TBC1D5: variants seen among roughly 807,000 people sequenced by gnomAD.
The protein encoded by TBC1D5 is TBC1 domain family member 5.
TBC1D5 carries 75 observed loss-of-function variants against 100.3 expected under a neutral mutation model. The ratio of observed to expected loss-of-function variants is 0.75; its 90% CI spans 0.62 to 0.91. TBC1D5 has a LOEUF of 0.91. Ranked by LOEUF, TBC1D5 falls within the 40% of genes least tolerant of loss-of-function variation. TBC1D5 has a pLI of 0.00. For missense variants in TBC1D5, 910 were observed against 942.4 expected (o/e 0.97, Z 0.45); for synonymous variants, 323 against 325.6 (o/e 0.99, Z 0.09).
intron 17 of TBC1D5, among the ~76,000 whole-genome samples, chr3:17,229,237 C>T (rs1344094495): frequency 2.0e-5 from 3 of 152,074 alleles, no homozygotes; most frequent in African/African-American, 4.8e-5. Flanking sequence ...TATATAGTGA[C>T]CAAGACAATG....
chr3:17,514,833 A>T (rs1213760304), intron 2 of TBC1D5, among the ~76,000 whole-genome samples: 18 of 152,160 alleles, frequency 1.2e-4, no homozygotes, highest in Non-Finnish European at 2.1e-4. Flanking sequence ...GCAGATGCTC[A>T]AGATGCAGAG....
intron 17 of TBC1D5, among the ~76,000 whole-genome samples, chr3:17,229,149 G>A (rs534864048): frequency 6.6e-6 from 1 of 152,134 alleles, no homozygotes; most frequent in African/African-American, 2.4e-5. Flanking sequence ...TGCTGGGAAC[G>A]TATAACCTAG....
intron 18 of TBC1D5, among the ~76,000 whole-genome samples, chr3:17,195,129 T>C (rs2070477290): frequency 6.6e-6 from 1 of 152,216 alleles, no homozygotes; most frequent in Non-Finnish European, 1.5e-5. Flanking sequence ...ATTCAAAAGG[T>C]ATAAAAGGTG....
chr3:17,608,196 G>A (rs1482449870), intron 2 of TBC1D5, among the ~76,000 whole-genome samples: 1 of 152,168 alleles, frequency 6.6e-6, no homozygotes, highest in Non-Finnish European at 1.5e-5. Flanking sequence ...GGTAGAGGTT[G>A]TGGTGAGCCG....
chr3:17,277,146 T>C (rs566594125), intron 15 of TBC1D5, among the ~76,000 whole-genome samples: 12 of 152,338 alleles, frequency 7.9e-5, no homozygotes, highest in African/African-American at 2.9e-4. Context: ...AAACGATCAT[T>C]ATAGTAGACA....
intron 1 of TBC1D5, among the ~76,000 whole-genome samples, chr3:17,660,872 A>G (rs1002166746): frequency 6.6e-6 from 1 of 152,234 alleles, no homozygotes; most frequent in Non-Finnish European, 1.5e-5. Context: ...TCTCTCAAAA[A>G]TAAGTACCTA....
chr3:17,236,102 C>T (rs1040089196), intron 17 of TBC1D5, among the ~76,000 whole-genome samples: 1 of 152,164 alleles, frequency 6.6e-6, no homozygotes, highest in African/African-American at 2.4e-5. Context: ...ATTGTTCCAT[C>T]TCCATGCACT....
chr3:17,584,399 CTCTT>C (rs1326502462), intron 2 of TBC1D5, among the ~76,000 whole-genome samples: 48 of 152,172 alleles, frequency 3.2e-4, no homozygotes, highest in East Asian at 1.9e-4. Context: ...TTTCAGTTCA[CTCTT>C]TCTATTTTCT....
chr3:17,654,619 G>C (rs1027945103), intron 1 of TBC1D5, among the ~76,000 whole-genome samples: 3 of 152,054 alleles, frequency 2.0e-5, no homozygotes, highest in Admixed American at 1.3e-4. Flanking sequence ...ATCTAAAATT[G>C]TCTTTTTTGG....
chr3:17,379,914 C>A (rs992664065), intron 9 of TBC1D5, among the ~76,000 whole-genome samples: 1 of 151,890 alleles, frequency 6.6e-6, no homozygotes, highest in Non-Finnish European at 1.5e-5. Flanking sequence ...TTGTACCATA[C>A]TCAACTGTTT....
chr3:17,523,707 C>T (rs544603348), intron 2 of TBC1D5, among the ~76,000 whole-genome samples: 1 of 152,190 alleles, frequency 6.6e-6, no homozygotes, highest in East Asian at 1.9e-4. Context: ...AACAATAAAG[C>T]TTTACATTTA....
intron 16 of TBC1D5, among the ~76,000 whole-genome samples, chr3:17,239,231 T>A (rs1009316884): frequency 6.6e-6 from 1 of 152,184 alleles, no homozygotes; most frequent in African/African-American, 2.4e-5. Flanking sequence ...GGTAGCAGCA[T>A]CTACCCATAG....
intron 13 of TBC1D5, among the ~76,000 whole-genome samples, chr3:17,322,272 G>A (rs2085512638): frequency 6.6e-6 from 1 of 152,114 alleles, no homozygotes; most frequent in African/African-American, 2.4e-5. Context: ...TCTGCAAATT[G>A]TTTTGTTTTC....
intron 1 of TBC1D5, among the ~76,000 whole-genome samples, chr3:17,714,922 G>A (rs1338024343): frequency 1.3e-5 from 2 of 152,164 alleles, no homozygotes; most frequent in African/African-American, 4.8e-5. Flanking sequence ...CAAAAATTCT[G>A]TCTTGACCAA....
chr3:17,541,678 C>A lies in TBC1D5; in HGVS notation c.-35-33073G>T, dbSNP rs539874349. ...CTTCCTTTTTAATTTGGATGGCTTTCTTTTTCTTGTCTAACTGCTATGGTT... is the reference window on the plus strand; with the variant it reads ...CTTCCTTTTTAATTTGGATGGCTTTATTTTTCTTGTCTAACTGCTATGGTT... On this transcript the variant is annotated intron_variant, in intron 2 of 21. Transcript: ENST00000253692. 2.0e-4 allele frequency among the ~76,000 whole-genome samples: 31 copies of A among 152,216 alleles called. No homozygotes were observed. In the South Asian group the frequency reaches 6.2e-3, roughly 31 times the overall value.
chr3:17,224,051 C>T (rs2074580573), intron 17 of TBC1D5, among the ~76,000 whole-genome samples: 1 of 152,118 alleles, frequency 6.6e-6, no homozygotes, highest in Admixed American at 6.5e-5. Context: ...TGGAAATAGG[C>T]CTTTCTATCC....
At chr3:17,734,228 AC>A (rs2076788323) in intron 1 of TBC1D5, among the ~76,000 whole-genome samples, 1 of 152,250 alleles carries the variant, frequency 6.6e-6, no homozygotes, top group Non-Finnish European at 1.5e-5. Flanking sequence ...TACACTATAT[AC>A]AAACCTTTAT....
intron 1 of TBC1D5, among the ~76,000 whole-genome samples, chr3:17,707,879 T>C (rs1490375737): frequency 6.6e-6 from 1 of 152,238 alleles, no homozygotes; most frequent in Admixed American, 6.5e-5. Flanking sequence ...ATGAGTGTAT[T>C]TTTGTTGTTG....
At chr3:17,263,445 A>G (rs1186593596) in intron 15 of TBC1D5, among the ~76,000 whole-genome samples, 1 of 152,188 alleles carries the variant, frequency 6.6e-6, no homozygotes, top group African/African-American at 2.4e-5. Flanking sequence ...TCACAAATTC[A>G]AATTCAGTTC....
Sources: allele counts gnomAD v4.1 joint callset (sites outside exome capture counted in the v4.1 genomes callset), GRCh38; gene constraint gnomAD v4.1.1; transcripts MANE v1.5; gene names NCBI Gene and HGNC (gene_info 2026-07-23, HGNC 2026-07-21).